DLGAP2: variants seen among roughly 807,000 people sequenced by gnomAD.
DLGAP2 encodes DLG associated protein 2, also known as disks large-associated protein 2.
Under a neutral mutation model 100.3 loss-of-function variants are expected in DLGAP2, and 26 were observed. The ratio of observed to expected loss-of-function variants is 0.26; its 90% CI spans 0.19 to 0.36. The LOEUF (loss-of-function observed/expected upper bound fraction) is 0.36. Ranked by LOEUF, DLGAP2 falls within the 10% of genes least tolerant of loss-of-function variation. DLGAP2 has a pLI of 1.00. For synonymous variants in DLGAP2, 886 were observed against 630.1 expected (o/e 1.41, Z -6.08); for missense variants, 1,858 against 1,453.2 (o/e 1.28, Z -4.53).
intron 3 of DLGAP2, among the ~76,000 whole-genome samples, chr8:1,466,451 GC>G (rs1798628825): frequency 1.3e-5 from 2 of 152,098 alleles, no homozygotes; most frequent in South Asian, 4.2e-4. Context: ...AGACACGGTG[GC>G]TCAAAAGGGA....
At position 1,574,025 on chromosome 8, in the gene DLGAP2, C is replaced by T. The variant is rs141708733; in HGVS notation, c.1442+8131C>T. Among the ~76,000 whole-genome samples the T allele has an allele frequency of 6.9e-4, 105 of 152,286 alleles. 1 individual carries two copies. In the East Asian group the frequency reaches 0.019, roughly 28 times the overall value. On this transcript the variant is annotated intron_variant, in intron 6 of 14. Coordinates refer to ENST00000637795, the MANE Select transcript of DLGAP2 (RefSeq NM_001346810.2). ...TGGGAGCTCCAGGCTTGTCTCCCTG[C>T]AGACTCACATTTGCATTGAGGGGTC...
In DLGAP2 at chr8:1,187,261, C is replaced by T. The variant is rs563459747; in HGVS notation, c.74-71590C>T. On this transcript the variant is annotated intron_variant, in intron 2 of 14. Transcript: ENST00000637795. ...TTTGCCTCATGGAATCTCACACACA[C>T]GGGACCTCTGTGACGTTTGTCTCAT... Among the ~76,000 whole-genome samples the T allele has an allele frequency of 2.8e-4, 43 of 152,054 alleles. No individual in the cohort carries two copies. The Middle Eastern group carries it at 0.01, about 36-fold the overall frequency.
chr8:1,058,330 G>A (rs1270592331), intron 2 of DLGAP2, among the ~76,000 whole-genome samples: 3 of 152,180 alleles, frequency 2.0e-5, no homozygotes, highest in Non-Finnish European at 4.4e-5. Context: ...AATTTCTGTA[G>A]GAACCCAGCA....
intron 1 of DLGAP2, among the ~76,000 whole-genome samples, chr8:747,674 G>C: frequency 7.6e-6 from 1 of 130,842 alleles, no homozygotes; most frequent in Admixed American, 7.8e-5. Context: ...GTGGTGGGAT[G>C]AGTGTGCTCC....
At chr8:1,025,781 G>C (rs752848796) in intron 2 of DLGAP2, among the ~76,000 whole-genome samples, 20 of 152,228 alleles carry the variant, frequency 1.3e-4, no homozygotes, top group Non-Finnish European at 2.1e-4. Context: ...GGTTCTGAGA[G>C]ACACGGTCGC....
chr8:1,254,266 C>T (rs1030721531), intron 2 of DLGAP2, among the ~76,000 whole-genome samples: 17 of 152,314 alleles, frequency 1.1e-4, no homozygotes, highest in Non-Finnish European at 1.3e-4. Flanking sequence ...GAACCCCGGG[C>T]ACATCCAGGA....
rs535016351 is a variant in DLGAP2 at position 1,023,083 on chromosome 8, G to C, written c.73+115117G>C. On this transcript the variant is annotated intron_variant, in intron 2 of 14. Coordinates refer to ENST00000637795, the MANE Select transcript of DLGAP2 (RefSeq NM_001346810.2). ...ATGCCGTGTGTGATGCTGGCACCAT[G>C]GTCAAGATGGTGACCTTTTCTCCCC... Among the ~76,000 whole-genome samples, 223 of 152,334 alleles carry C rather than the reference G, an allele frequency of 1.5e-3. 1 individual carries two copies. Among genetic ancestry groups the C allele is most frequent in the Non-Finnish European group, 2.5e-3 (168 of 68,034 alleles).
chr8:1,019,854 C>T (rs1309585517), intron 2 of DLGAP2: 1 of 152,172 alleles, frequency 6.6e-6, no homozygotes, highest in Non-Finnish European at 1.5e-5. Context: ...TGGTTTCTTG[C>T]AGGGACAAAG....
intron 2 of DLGAP2, among the ~76,000 whole-genome samples, chr8:1,012,398 C>T (rs754877990): frequency 4.6e-5 from 7 of 152,254 alleles, no homozygotes; most frequent in South Asian, 2.1e-4. Flanking sequence ...GCTTCTTGGA[C>T]CCACAGGCTG....
rs531353972 is a variant in DLGAP2 at position 1,522,212 on chromosome 8, C to T, written c.172+20781C>T. Reference sequence around the variant, plus strand: ...CGGTGGGGTCCACTCAGACCTTTCGCCCATTTTTCCCAGTTGGGTTTGATG... The same window carrying T: ...CGGTGGGGTCCACTCAGACCTTTCGTCCATTTTTCCCAGTTGGGTTTGATG... On this transcript the variant is annotated intron_variant, in intron 4 of 14. Transcript: ENST00000637795. 9.8e-5 allele frequency among the ~76,000 whole-genome samples: 15 copies of T among 152,312 alleles called. No individual in the cohort carries two copies. The East Asian group carries it at 2.9e-3, about 29-fold the overall frequency.
intron 3 of DLGAP2, among the ~76,000 whole-genome samples, chr8:1,287,185 G>C (rs888794046): frequency 1.5e-5 from 2 of 130,236 alleles, no homozygotes; most frequent in African/African-American, 6.1e-5. Context: ...TCTGTTAGGA[G>C]GGGAACTAGT....
intron 3 of DLGAP2, among the ~76,000 whole-genome samples, chr8:1,368,190 G>A (rs947145964): frequency 3.3e-5 from 5 of 151,978 alleles, no homozygotes; most frequent in African/African-American, 7.3e-5. Context: ...GTATGTGCAC[G>A]TGTGTGTACG....
intron 1 of DLGAP2, among the ~76,000 whole-genome samples, chr8:871,319 G>C (rs1797594390): frequency 6.6e-6 from 1 of 152,190 alleles, no homozygotes; most frequent in East Asian, 1.9e-4. Context: ...GTTTTGGATG[G>C]AACCTTTATC....
chr8:1,653,597 C>G (rs997239441), intron 8 of DLGAP2, among the ~76,000 whole-genome samples: 1 of 152,222 alleles, frequency 6.6e-6, no homozygotes, highest in African/African-American at 2.4e-5. Flanking sequence ...GGGTCCGTCT[C>G]TCAGATCCGT....
intron 3 of DLGAP2, among the ~76,000 whole-genome samples, chr8:1,271,918 C>G (rs987445673): frequency 6.6e-6 from 1 of 152,194 alleles, no homozygotes; most frequent in Non-Finnish European, 1.5e-5. Flanking sequence ...TCAAGTCATT[C>G]TCCTGCCTCA....
intron 2 of DLGAP2, among the ~76,000 whole-genome samples, chr8:1,230,780 G>A (rs1174180603): frequency 1.3e-5 from 2 of 152,272 alleles, no homozygotes; most frequent in Admixed American, 6.5e-5. Context: ...TTCAATAAAT[G>A]TTATTAGCAT....
intron 2 of DLGAP2, among the ~76,000 whole-genome samples, chr8:926,416 C>G (rs978228633): frequency 6.6e-6 from 1 of 152,200 alleles, no homozygotes. Flanking sequence ...GGCCCTGCCT[C>G]CAGGTCGGGG....
chr8:1,646,707 A>G (rs1253323455), intron 8 of DLGAP2, among the ~76,000 whole-genome samples: 1 of 152,134 alleles, frequency 6.6e-6, no homozygotes, highest in East Asian at 1.9e-4. Flanking sequence ...TGCTGTTTGA[A>G]AACAGGTGTC....
chr8:846,160 T>G (rs1227605437), intron 1 of DLGAP2, among the ~76,000 whole-genome samples: 3 of 152,220 alleles, frequency 2.0e-5, no homozygotes, highest in African/African-American at 7.2e-5. Context: ...AACCTCTGTT[T>G]TAGCTATTTT....
Sources: allele counts gnomAD v4.1 joint callset (sites outside exome capture counted in the v4.1 genomes callset), GRCh38; gene constraint gnomAD v4.1.1; transcripts MANE v1.5; gene names NCBI Gene and HGNC (gene_info 2026-07-23, HGNC 2026-07-21).